Variants in MMP21 observed in about 807,000 individuals in gnomAD.
MMP21 encodes the protein matrix metallopeptidase 21.
Under a neutral mutation model 47.8 loss-of-function variants are expected in MMP21, and 40 were observed. That is an observed-to-expected ratio of 0.84 (90% CI 0.65 to 1.09). The LOEUF (loss-of-function observed/expected upper bound fraction) is 1.09. Ranked by LOEUF, MMP21 falls within the 50% of genes least tolerant of loss-of-function variation. MMP21 has a pLI of 0.00. For missense variants in MMP21, 747 were observed against 775.3 expected, an observed-to-expected ratio of 0.96 and a Z score of 0.43; for synonymous variants, 341 against 318.0, an observed-to-expected ratio of 1.07 and a Z score of -0.77.
rs1344067489 is a variant in MMP21 at position 125,773,193 on chromosome 10, A to AC, written c.698-444dup. ...GTGAGACCAGAAGACAGCCCTGAGC[A>AC]CCCCCGGGTCACAGATGGGGCTGCA... On this transcript the variant is annotated intron_variant, in intron 2 of 6. Transcript: ENST00000368808. This position sits in a 1 kb window ranked among gnomAD's most constrained non-coding sequence, Gnocchi z 4.8. 1.3e-5 allele frequency among the ~76,000 whole-genome samples: 2 copies of AC among 151,992 alleles called. No individual in the cohort carries two copies. The highest frequency in any genetic ancestry group is 2.9e-5 in the Non-Finnish European group (2 of 68,010).
chr10:125,769,081 G>A (rs1007104657), intron 5 of MMP21, among the ~76,000 whole-genome samples: 1 of 152,188 alleles, frequency 6.6e-6, no homozygotes, highest in African/African-American at 2.4e-5. Flanking sequence ...ACTTGTCTCT[G>A]GGTAGGAAAG....
chr10:125,770,362 C>T lies in MMP21; in HGVS notation c.1209G>A (p.Trp403Ter). 6.2e-7 allele frequency: 1 copy of T among 1,614,156 alleles called. No homozygotes were observed. ...GAAAAAAATAACGTTCATCTCTTTT[C>T]CATGTCCAGATGTGAACAAAGGCAT... ...NIDAFVHIWTWKRDERYFFQG... is the reference protein window; with the variant it reads ...NIDAFVHIWT The change falls in exon 5 of 7, where the codon TGG becomes TGA. Residue 403 changes from tryptophan (W) to a stop codon, truncating the protein, a stop_gained. Coordinates refer to ENST00000368808, the MANE Select transcript of MMP21 (RefSeq NM_147191.1). LOFTEE classifies it high-confidence loss of function.
At chr10:125,767,445 A>G (rs1267545745) in intron 6 of MMP21, 87 bp downstream of exon 6, 19 of 1,320,842 alleles carry the variant, frequency 1.4e-5, no homozygotes, top group Non-Finnish European at 1.8e-5. Context: ...CAGGCCAAGT[A>G]CAGCTTTTAA....
intron 5 of MMP21, 27 bp downstream of exon 5, chr10:125,770,307 A>G (rs1193843971): frequency 6.2e-7 from 1 of 1,612,424 alleles, no homozygotes; most frequent in East Asian, 2.2e-5. Flanking sequence ...AATGAGAGAA[A>G]TAGAACCATC....
At chr10:125,770,049 G>C (rs1850428865) in intron 5 of MMP21, among the ~76,000 whole-genome samples, 1 of 152,144 alleles carries the variant, frequency 6.6e-6, no homozygotes, top group South Asian at 2.1e-4. Context: ...AGCTACTCAG[G>C]AGGCTGAGGT....
Position 125,773,860 on chromosome 10 carries a change from G to A in MMP21, c.668C>T (p.Ala223Val). Residue 223 changes from alanine to valine, a missense_variant, in exon 2 of 7, where the codon GCG (alanine) becomes GTG (valine). Coordinates refer to ENST00000368808, the MANE Select transcript of MMP21 (RefSeq NM_147191.1). The surrounding 1 kb of genome is among the most constrained non-coding windows in gnomAD (Gnocchi z 4.8). The stretch of plus-strand genomic sequence containing the variant: ...CCCAAAGCCCAGCTTGATGTCGACC[G>A]CGGCCCCGGGGGCGGCCAGGTCCTC... ...FREDLAAPGA[A>V]VDIKLGFGRG... The A allele has an allele frequency of 1.3e-6, 2 of 1,567,158 alleles. No individual in the cohort carries two copies. The highest frequency in any genetic ancestry group is 2.4e-5 in the East Asian group (1 of 41,496).
chr10:125,774,626 T>C (rs1850495316), intron 1 of MMP21, among the ~76,000 whole-genome samples: 1 of 152,108 alleles, frequency 6.6e-6, no homozygotes, highest in South Asian at 2.1e-4. Flanking sequence ...CTGGGCGCCT[T>C]CCTGAGTGCG....
chr10:125,767,584 G>A lies in MMP21; in HGVS notation c.1358C>T (p.Thr453Met), dbSNP rs377123310. 9.5e-5 allele frequency: 154 copies of A among 1,614,146 alleles called. No individual in the cohort carries two copies. The highest frequency in any genetic ancestry group is 1.2e-4 in the Non-Finnish European group (137 of 1,180,022). ...CTTCTGTCTTCGGTCATAAAACGCCGTGTCTAGGGGACTTGGGATGCCAGG... is the reference window on the plus strand; with the variant it reads ...CTTCTGTCTTCGGTCATAAAACGCCATGTCTAGGGGACTTGGGATGCCAGG... ...GFPGIPSPLD[T>M]AFYDRRQKLI... is the part of the protein sequence containing the mutation. The change falls in exon 6 of 7, where the codon ACG becomes ATG. Residue 453 changes from threonine (T) to methionine (M), a missense_variant. Coordinates refer to ENST00000368808, the MANE Select transcript of MMP21 (RefSeq NM_147191.1).
chr10:125,775,138 C>A (rs1332489703), intron 1 of MMP21, among the ~76,000 whole-genome samples: 1 of 152,304 alleles, frequency 6.6e-6, no homozygotes, highest in Admixed American at 6.5e-5. Context: ...GGGTCCACTC[C>A]CTGCCCGCCA....
At chr10:125,768,759 A>G (rs1209508789) in intron 5 of MMP21, among the ~76,000 whole-genome samples, 3 of 152,254 alleles carry the variant, frequency 2.0e-5, no homozygotes, top group Non-Finnish European at 2.9e-5. Context: ...ACCTAAATCT[A>G]TAATTATGAT....
intron 4 of MMP21, 90 bp from the exon 5 acceptor site, chr10:125,770,681 A>G: frequency 7.0e-7 from 1 of 1,435,008 alleles, no homozygotes. Flanking sequence ...GACAGTTGCA[A>G]AGCTGGGGCT....
rs1220364841 is a variant in MMP21 at position 125,773,692 on chromosome 10, C to T, written c.697+139G>A. The T allele has an allele frequency of 1.7e-6, 2 of 1,149,794 alleles. No homozygotes were observed. The highest frequency in any genetic ancestry group is 2.3e-6 in the Non-Finnish European group (2 of 877,546). The allele number at this position is 1,149,794 out of a possible 1,614,324, so 71.2% of individuals were successfully genotyped here. A position where few individuals can be genotyped will look rare whatever the true frequency, so the allele number is the denominator to read the frequency against. Reference sequence around the variant, plus strand: ...AGACGACGCTGACCGGTGGCTTCTGCCTGCCCCGCTGACAGGTGCCCCCGG... The same window carrying T: ...AGACGACGCTGACCGGTGGCTTCTGTCTGCCCCGCTGACAGGTGCCCCCGG... On this transcript the variant is annotated intron_variant, in intron 2 of 6. Coordinates refer to ENST00000368808, the MANE Select transcript of MMP21 (RefSeq NM_147191.1). The surrounding 1 kb of genome is among the most constrained non-coding windows in gnomAD (Gnocchi z 4.8).
chr10:125,768,380 C>G (rs967692338), intron 5 of MMP21, among the ~76,000 whole-genome samples: 1 of 152,344 alleles, frequency 6.6e-6, no homozygotes. Context: ...TGAAATGGAA[C>G]TTTGCTCCAT....
At chr10:125,775,561 C>G in intron 1 of MMP21, 99 bp downstream of exon 1, 1 of 1,431,580 alleles carries the variant, frequency 7.0e-7, no homozygotes, top group East Asian at 2.6e-5. Context: ...TGCCTCTGCA[C>G]AGCCGGCATC....
Position 125,772,756 on chromosome 10 carries a change from G to A in MMP21, c.698-6C>T, listed in dbSNP as rs756749898. 3.7e-6 allele frequency: 6 copies of A among 1,610,926 alleles called. No individual in the cohort carries two copies. Among genetic ancestry groups the A allele is most frequent in the South Asian group, 1.1e-5 (1 of 91,008 alleles). On this transcript the variant is annotated splice_region_variant and splice_polypyrimidine_tract_variant and intron_variant, in intron 2 of 6. Transcript: ENST00000368808. This position sits in a 1 kb window ranked among gnomAD's most constrained non-coding sequence, Gnocchi z 5.6. ...CGGACAGCCCAGGTGCCGGCCTGGC[G>A]AGGGGGAGGAGGAGTTGGTCCCGGT...
Position 125,773,998 on chromosome 10 carries a change from C to T in MMP21, c.530G>A (p.Ser177Asn), listed in dbSNP as rs748599158. ...CAGGGCCTCGCCCAGCAGCCGCCAG[C>T]TCAGCGTCCTCTTGGAGAAGGCCTG... ...AAQAFSKRTL[S>N]WRLLGEALSS... Residue 177 changes from serine (S) to asparagine (N), a missense_variant, in exon 2 of 7, where the codon AGC becomes AAC. Physicochemically the swap from Ser to Asn is conservative, Grantham distance 46 (BLOSUM62 1). Transcript: ENST00000368808. The surrounding 1 kb of genome is among the most constrained non-coding windows in gnomAD (Gnocchi z 4.8). 1.3e-6 allele frequency: 2 copies of T among 1,553,276 alleles called. No homozygotes were observed. Among genetic ancestry groups the T allele is most frequent in the South Asian group, 1.2e-5 (1 of 86,000 alleles).
In MMP21 at chr10:125,772,211, G is replaced by T. The variant is rs182443241; in HGVS notation, c.979+7C>A. The T allele has an allele frequency of 6.2e-7, 1 of 1,614,162 alleles. No homozygotes were observed. Among genetic ancestry groups the T allele is most frequent in the East Asian group, 2.2e-5 (1 of 44,878 alleles). On this transcript the variant is annotated splice_region_variant and intron_variant, in intron 4 of 6. Transcript: ENST00000368808. The surrounding 1 kb of genome is among the most constrained non-coding windows in gnomAD (Gnocchi z 5.6). ...TAGCTCAGGGATGCCCTCCGCAGCA[G>T]TCTTACCATACAGCTTTTGAATTGC...
At position 125,775,676 on chromosome 10, in the gene MMP21, T is replaced by G; in HGVS notation, c.146A>C (p.Asp49Ala). 1.9e-6 allele frequency: 3 copies of G among 1,607,934 alleles called. No individual in the cohort carries two copies. The highest frequency in any genetic ancestry group is 2.2e-5 in the East Asian group (1 of 44,460). The change falls in exon 1 of 7, where the codon GAC (aspartate) becomes GCC (alanine). Residue 49 changes from aspartate (D) to alanine (A), a missense_variant. Coordinates refer to ENST00000368808, the MANE Select transcript of MMP21 (RefSeq NM_147191.1). Reference sequence around the variant, plus strand: ...TCCTCCTACCTGAGCAGCGTGGAGGTCGGCAATGGGCTTGGCCTGGCGCAG... The same window carrying G: ...TCCTCCTACCTGAGCAGCGTGGAGGGCGGCAATGGGCTTGGCCTGGCGCAG... ...SPLRQAKPIA[D>A]LHAAQRFLSR...
chr10:125,770,473 A>G lies in MMP21; in HGVS notation c.1098T>C (p.Leu366=), dbSNP rs1850434183. The G allele has an allele frequency of 1.9e-6, 3 of 1,614,186 alleles. No homozygotes were observed. Among genetic ancestry groups the G allele is most frequent in the Non-Finnish European group, 1.7e-6 (2 of 1,180,034 alleles). ...GTGTCCTATTGTTTCGATTTTCATA[A>G]AGCCAGTACCAGCTGTTACGGAAGA... ...TYFFRNSWYW[L]YENRNNRTRY... The change falls in exon 5 of 7, where the codon CTT becomes CTC. Residue 366 remains leucine (L), a synonymous_variant. Coordinates refer to ENST00000368808, the MANE Select transcript of MMP21 (RefSeq NM_147191.1).
Sources: gnomAD v4.1 joint callset for allele counts (sites outside exome capture counted in the v4.1 genomes callset) on GRCh38, gnomAD v4.1.1 for gene constraint, Gnocchi (gnomAD v3.1) non-coding constraint, MANE v1.5 for transcripts, NCBI Gene and HGNC (gene_info 2026-07-23, HGNC 2026-07-21) for gene names.